The following PTPRS variants were observed in gnomAD, a reference collection of about 807,000 sequenced individuals.
PTPRS encodes protein tyrosine phosphatase receptor type S, also known as receptor-type tyrosine-protein phosphatase S.
A neutral mutation model predicts 215.3 loss-of-function variants in PTPRS; 63 were observed. That is an observed-to-expected ratio of 0.29 (90% CI 0.24 to 0.36). The LOEUF is 0.36. Among genes scored for constraint, PTPRS ranks in the 10% least tolerant of loss-of-function variants. PTPRS has a pLI of 1.00. For synonymous variants in PTPRS, 1,404 were observed against 1,191.4 expected (o/e 1.18, Z -3.68); for missense variants, 2,258 against 2,825.8 (o/e 0.80, Z 4.56).
At chr19:5,285,958 G>C in intron 2 of PTPRS, 92 bp downstream of exon 2, 1 of 1,194,092 alleles carries the variant, frequency 8.4e-7, no homozygotes, top group Admixed American at 2.3e-5. Context: ...CCCCAGGGAG[G>C]AGGTGGGGAG....
At chr19:5,231,788 G>C (rs1415976427) in intron 13 of PTPRS, among the ~76,000 whole-genome samples, 173 bp from the exon 14 acceptor site, 1 of 151,824 alleles carries the variant, frequency 6.6e-6, no homozygotes. Flanking sequence ...TCAACCAAAG[G>C]TGGGATGGGC....
intron 1 of PTPRS, among the ~76,000 whole-genome samples, chr19:5,316,217 G>A (rs979749028): frequency 2.6e-5 from 4 of 151,564 alleles, no homozygotes; most frequent in Non-Finnish European, 5.9e-5. Flanking sequence ...GTGAGAAAGG[G>A]CTTTTTAATA....
At chr19:5,247,799 C>G (rs1275258107) in intron 9 of PTPRS, among the ~76,000 whole-genome samples, 1 of 151,952 alleles carries the variant, frequency 6.6e-6, no homozygotes, top group African/African-American at 2.4e-5. Context: ...AATCCCAACC[C>G]CTGCCTTCCT....
At chr19:5,209,310 C>T (rs1158148039) in intron 35 of PTPRS, among the ~76,000 whole-genome samples, 1 of 152,176 alleles carries the variant, frequency 6.6e-6, no homozygotes, top group Non-Finnish European at 1.5e-5. Flanking sequence ...CTCAATGGTG[C>T]CATTTTCCAC....
intron 12 of PTPRS, 101 bp from the exon 13 acceptor site, chr19:5,239,164 G>GAGA (rs1568451445): frequency 4.3e-4 from 185 of 433,642 alleles, no homozygotes; most frequent in African/African-American, 2.1e-3. Context: ...GGGGGGAGGG[G>GAGA]GAGAGAGAGA....
chr19:5,286,365 G>A (rs912388159), intron 1 of PTPRS, 131 bp from the exon 2 acceptor site: 52 of 562,508 alleles, frequency 9.2e-5, no homozygotes, highest in Non-Finnish European at 1.5e-4. Context: ...AATGGGGAAG[G>A]ATCATGGGGT....
Position 5,214,724 on chromosome 19 carries a change from C to G in PTPRS, c.4331G>C (p.Ser1444Thr), listed in dbSNP as rs1328615941. ...ILQPIEGIMG[S>T]DYINANYVDG... ...CACGTAGTTGGCATTGATGTAATCA[C>G]TGCCCATGATGCCTGCAGCCAGGGC... The change falls in exon 29 of 38, where the codon AGT (serine) becomes ACT (threonine). Residue 1444 changes from serine (S) to threonine (T), a missense_variant. Physicochemically the swap from Ser to Thr is moderately conservative, Grantham distance 58. This residue lies in a region of PTPRS where 927 missense variants were observed against 1,125.9 expected (regional missense o/e 0.82). Coordinates refer to ENST00000262963, the MANE Select transcript of PTPRS (RefSeq NM_002850.4). The G allele has an allele frequency of 6.2e-7, 1 of 1,604,274 alleles. No homozygotes were observed. Among genetic ancestry groups the G allele is most frequent in the Non-Finnish European group, 8.5e-7 (1 of 1,172,948 alleles).
chr19:5,311,100 G>C (rs180733014), intron 1 of PTPRS, among the ~76,000 whole-genome samples: 2 of 151,974 alleles, frequency 1.3e-5, no homozygotes, highest in Non-Finnish European at 2.9e-5. Context: ...GGATGGTCTC[G>C]ATCTCCTGAC....
At chr19:5,285,022 G>A (rs984047706) in intron 2 of PTPRS, among the ~76,000 whole-genome samples, 1 of 152,210 alleles carries the variant, frequency 6.6e-6, no homozygotes, top group East Asian at 1.9e-4. Context: ...AGGGGTGTAT[G>A]TCTCCAGTTT....
rs930672376 is a variant in PTPRS, at chr19:5,238,983, C to T, written c.1785G>A (p.Ala595=). 14 of 1,612,978 alleles carry T rather than the reference C, an allele frequency of 8.7e-6. No individual in the cohort carries two copies. The highest frequency in any genetic ancestry group is 2.7e-5 in the African/African-American group (2 of 74,872). ...CGCCCAGGCCCTGCGGCGAGCGGGC[C>T]GCCAGGCGGAAGGCGTACTCCGTGT... is the stretch of plus-strand genomic sequence containing the variant. ...KPNTEYAFRL[A]ARSPQGLGAF... The change falls in exon 13 of 38, where the codon GCG becomes GCA. Residue 595 remains alanine (A), a synonymous_variant. Transcript: ENST00000262963.
At chr19:5,269,956 C>T (rs1044089411) in intron 4 of PTPRS, among the ~76,000 whole-genome samples, 10 of 141,574 alleles carry the variant, frequency 7.1e-5, no homozygotes, top group South Asian at 2.2e-4. Context: ...TGTGGATGGG[C>T]GCAGGGGGCA....
chr19:5,257,125 A>T lies in PTPRS; in HGVS notation c.706+892T>A, dbSNP rs1362368375. On this transcript the variant is annotated intron_variant, in intron 8 of 37. Transcript: ENST00000262963. The surrounding 1 kb of genome is among the most constrained non-coding windows in gnomAD (Gnocchi z 4.4). ...GAGGAAGACTACAACTTCTGAAAAG[A>T]CCCAAGAGCCAACACACGAGATAAG... 6.7e-6 allele frequency among the ~76,000 whole-genome samples: 1 copy of T among 149,638 alleles called. No individual in the cohort carries two copies. Among genetic ancestry groups the T allele is most frequent in the Non-Finnish European group, 1.5e-5 (1 of 67,420 alleles).
chr19:5,245,722 G>C, intron 10 of PTPRS, 54 bp downstream of exon 10: 1 of 1,505,404 alleles, frequency 6.6e-7, no homozygotes, highest in Non-Finnish European at 8.9e-7. Flanking sequence ...GCCTGAAGTC[G>C]GGGATCGACT....
chr19:5,253,796 G>C (rs1287421936), intron 9 of PTPRS, among the ~76,000 whole-genome samples: 1 of 152,190 alleles, frequency 6.6e-6, no homozygotes, highest in Non-Finnish European at 1.5e-5. Flanking sequence ...ACAAAGAAGG[G>C]AAGTGACTTG....
At chr19:5,230,293 C>A (rs1381028452) in intron 14 of PTPRS, among the ~76,000 whole-genome samples, 1 of 152,206 alleles carries the variant, frequency 6.6e-6, no homozygotes, top group Non-Finnish European at 1.5e-5. Context: ...GTTCCCAGGA[C>A]CAAGAGGCTG....
intron 1 of PTPRS, among the ~76,000 whole-genome samples, chr19:5,303,777 C>G (rs530216838): frequency 6.6e-6 from 1 of 150,620 alleles, no homozygotes; most frequent in East Asian, 2.0e-4. Flanking sequence ...TGGTGAAACC[C>G]TGTCTCTACT....
chr19:5,260,915 A>G, intron 6 of PTPRS, 93 bp from the exon 7 acceptor site: 1 of 1,443,636 alleles, frequency 6.9e-7, no homozygotes, highest in South Asian at 1.2e-5. Flanking sequence ...GCCGTAAGCC[A>G]GGCCTCAGCA....
At chr19:5,236,541 C>A (rs183254762) in intron 13 of PTPRS, among the ~76,000 whole-genome samples, 1 of 152,342 alleles carries the variant, frequency 6.6e-6, no homozygotes, top group East Asian at 1.9e-4. Context: ...GCATTAGAAA[C>A]CCTCACCATC....
At chr19:5,238,881 C>G in intron 13 of PTPRS, 38 bp downstream of exon 13, 1 of 1,541,068 alleles carries the variant, frequency 6.5e-7, no homozygotes, top group Non-Finnish European at 8.7e-7. Context: ...AGGCCGTGGT[C>G]CCTCCCGCAG....
Sources: gnomAD v4.1 joint callset for allele counts (sites outside exome capture counted in the v4.1 genomes callset) on GRCh38, gnomAD v4.1.1 for gene constraint, gnomAD v4.1.1 regional missense constraint, Gnocchi (gnomAD v3.1) non-coding constraint, MANE v1.5 for transcripts, NCBI Gene and HGNC (gene_info 2026-07-23, HGNC 2026-07-21) for gene names.